The following TRIP12 variants were observed in gnomAD, a reference collection of about 807,000 sequenced individuals.
The protein encoded by TRIP12 is thyroid hormone receptor interactor 12.
In TRIP12, 25 loss-of-function variants were observed where a neutral mutation model predicts 244.2. The observed-to-expected ratio is 0.10, with a 90% CI of 0.07 to 0.14. The LOEUF (loss-of-function observed/expected upper bound fraction) is 0.14, where lower values mean the gene tolerates loss of function less well. Among genes scored for constraint, TRIP12 ranks in the 10% least tolerant of loss-of-function variants. The pLI is 1.00. For synonymous variants in TRIP12, 905 were observed against 873.1 expected, an observed-to-expected ratio of 1.04 and a Z score of -0.64; for missense variants, 1,677 against 2,486.4, an observed-to-expected ratio of 0.67 and a Z score of 6.92.
chr2:229,918,002 A>G (rs570215966), intron 1 of TRIP12, among the ~76,000 whole-genome samples: 166 of 152,110 alleles, frequency 1.1e-3, no homozygotes, highest in Non-Finnish European at 1.9e-3. Flanking sequence ...CACACATACC[A>G]CATTGACATG....
At position 229,899,032 on chromosome 2, in the gene TRIP12, T is replaced by G. The variant is rs187201387; in HGVS notation, c.-49-18904A>C. On this transcript the variant is annotated intron_variant, in intron 1 of 41. Transcript: ENST00000675903. ...TCATCAGCAAGAAACAATAAAATGG[T>G]ATATTTTCTTTTCCCATTCCTTATT... Among the ~76,000 whole-genome samples the G allele has an allele frequency of 2.0e-3, 308 of 152,344 alleles. 2 individuals are homozygous for G. The highest frequency in any genetic ancestry group is 3.4e-3 in the Middle Eastern group (1 of 294).
At chr2:229,770,874 T>C (rs1314608254) in intron 39 of TRIP12, among the ~76,000 whole-genome samples, 1 of 152,202 alleles carries the variant, frequency 6.6e-6, no homozygotes, top group African/African-American at 2.4e-5. Context: ...AGATGTGCCT[T>C]TCACCTTCCA....
At chr2:229,877,074 A>G (rs1244499693) in intron 2 of TRIP12, among the ~76,000 whole-genome samples, 7 of 151,834 alleles carry the variant, frequency 4.6e-5, no homozygotes, top group Admixed American at 4.6e-4. Context: ...AAAACTGCAA[A>G]AATCACAATT....
chr2:229,842,024 T>C (rs911318944), intron 4 of TRIP12, among the ~76,000 whole-genome samples: 6 of 152,214 alleles, frequency 3.9e-5, no homozygotes, highest in Non-Finnish European at 7.3e-5. Context: ...AATCAACTTA[T>C]TCAAGAATCT....
At chr2:229,779,420 C>A (rs2037355717) in intron 34 of TRIP12, among the ~76,000 whole-genome samples, 1 of 152,176 alleles carries the variant, frequency 6.6e-6, no homozygotes, top group Non-Finnish European at 1.5e-5. Flanking sequence ...TTCCTTTTTT[C>A]TTGGGGCTTA....
chr2:229,829,232 T>A lies in TRIP12; in HGVS notation c.1411A>T (p.Met471Leu). Reference sequence around the variant, plus strand: ...ATTGTTCTATGGAAAAGCTGTGACATCCGAGGACCAAGAGGACCAAATAGG... The same window carrying A: ...ATTGTTCTATGGAAAAGCTGTGACAACCGAGGACCAAGAGGACCAAATAGG... Reference protein sequence around the residue: ...PHLFGPLGPRMSQLFHRTIGS... With the variant: ...PHLFGPLGPRLSQLFHRTIGS... Residue 471 changes from methionine to leucine, a missense_variant, in exon 8 of 42, where the codon ATG becomes TTG. Physicochemically the swap from Met to Leu is conservative, Grantham distance 15 (BLOSUM62 2). This residue lies in a region of TRIP12 where 143 missense variants were observed against 215.6 expected (regional missense o/e 0.66). Coordinates refer to ENST00000675903, the MANE Select transcript of TRIP12 (RefSeq NM_001348323.3). The A allele has an allele frequency of 6.2e-7, 1 of 1,613,974 alleles. No homozygotes were observed. The highest frequency in any genetic ancestry group is 8.5e-7 in the Non-Finnish European group (1 of 1,179,970).
At chr2:229,794,125 G>A (rs779162644) in intron 26 of TRIP12, among the ~76,000 whole-genome samples, 4 of 152,048 alleles carry the variant, frequency 2.6e-5, no homozygotes, top group African/African-American at 9.7e-5. Flanking sequence ...AAATCATAAC[G>A]ATCAAAACTG....
At chr2:229,864,077 T>TGTGTGTGTGTGC (rs887815926) in intron 2 of TRIP12, among the ~76,000 whole-genome samples, 3 of 140,546 alleles carry the variant, frequency 2.1e-5, no homozygotes, top group South Asian at 2.3e-4. Context: ...TGTGTGTGTG[T>TGTGTGTGTGTGC]GCACGCGCAC....
intron 4 of TRIP12, among the ~76,000 whole-genome samples, chr2:229,853,587 G>A (rs376947233): frequency 3.3e-5 from 5 of 152,074 alleles, no homozygotes; most frequent in African/African-American, 1.2e-4. Context: ...AATCCAGGAG[G>A]GGGAGGATGC....
chr2:229,826,892 T>C (rs1306585046), intron 8 of TRIP12, among the ~76,000 whole-genome samples: 1 of 152,128 alleles, frequency 6.6e-6, no homozygotes, highest in Non-Finnish European at 1.5e-5. Flanking sequence ...AGTGAGTGAA[T>C]GGTGAGTGAG....
intron 2 of TRIP12, among the ~76,000 whole-genome samples, chr2:229,864,045 AGAGTGTGT>A (rs1289129674): frequency 1.3e-3 from 87 of 67,246 alleles, no homozygotes; most frequent in African/African-American, 3.8e-3. Flanking sequence ...AGAGAGAGAG[AGAGTGTGT>A]GTGTGTGTGT....
rs745378471 is a variant in TRIP12 at position 229,778,538 on chromosome 2, C to A, written c.5259G>T (p.Ala1753=). The A allele has an allele frequency of 3.1e-6, 5 of 1,614,020 alleles. No homozygotes were observed. Among genetic ancestry groups the A allele is most frequent in the South Asian group, 1.1e-5 (1 of 91,068 alleles). The change falls in exon 36 of 42, where the codon GCG becomes GCT. Residue 1753 remains alanine (A), a synonymous_variant. Transcript: ENST00000675903. This position sits in a 1 kb window ranked among gnomAD's most constrained non-coding sequence, Gnocchi z 4.1. ...GCTTTGCTGTCCTACCAAAGGGAAG[C>A]GCAAACAGGCCCTGGAGGTTTTGAA... ...KYIQNLQGLF[A]LPFGRTAKPA... is the part of the protein sequence containing the mutation.
intron 15 of TRIP12, among the ~76,000 whole-genome samples, chr2:229,810,099 C>A (rs896817501): frequency 6.6e-6 from 1 of 152,188 alleles, no homozygotes; most frequent in African/African-American, 2.4e-5. Context: ...ATGGCTCATG[C>A]CTATAATCCT....
intron 4 of TRIP12, among the ~76,000 whole-genome samples, chr2:229,856,341 T>C (rs1011506760): frequency 1.3e-5 from 2 of 152,226 alleles, no homozygotes; most frequent in African/African-American, 4.8e-5. Context: ...AATGGAATTA[T>C]CTGGATTGGT....
intron 30 of TRIP12, among the ~76,000 whole-genome samples, chr2:229,790,505 T>C (rs2041191519): frequency 6.9e-6 from 1 of 144,416 alleles, no homozygotes; most frequent in Admixed American, 7.0e-5. Flanking sequence ...GTGTGAAAAT[T>C]ACTGTGGTGG....
At chr2:229,826,849 G>A (rs1178571937) in intron 8 of TRIP12, among the ~76,000 whole-genome samples, 2 of 152,304 alleles carry the variant, frequency 1.3e-5, no homozygotes, top group East Asian at 3.9e-4. Flanking sequence ...TACCATGAAT[G>A]GAGTTTACCA....
chr2:229,874,572 C>T (rs1449211408), intron 2 of TRIP12, among the ~76,000 whole-genome samples: 1 of 152,000 alleles, frequency 6.6e-6, no homozygotes, highest in Non-Finnish European at 1.5e-5. Context: ...TAAATTACCT[C>T]ATGGAAGAAT....
chr2:229,810,239 G>T (rs1327734930), intron 15 of TRIP12, among the ~76,000 whole-genome samples: 1 of 152,220 alleles, frequency 6.6e-6, no homozygotes, highest in Non-Finnish European at 1.5e-5. Flanking sequence ...TATAGATGTT[G>T]TCTGATGCCC....
At chr2:229,875,079 A>G (rs983074367) in intron 2 of TRIP12, among the ~76,000 whole-genome samples, 1 of 152,176 alleles carries the variant, frequency 6.6e-6, no homozygotes, top group Non-Finnish European at 1.5e-5. Flanking sequence ...CCTATAGAAG[A>G]AAAAGAGAAC....
Sources: gnomAD v4.1 joint callset for allele counts (sites outside exome capture counted in the v4.1 genomes callset) on GRCh38, gnomAD v4.1.1 for gene constraint, gnomAD v4.1.1 regional missense constraint, Gnocchi (gnomAD v3.1) non-coding constraint, MANE v1.5 for transcripts, NCBI Gene and HGNC (gene_info 2026-07-23, HGNC 2026-07-21) for gene names.